ABHD2: variants seen among roughly 807,000 people sequenced by gnomAD.
The protein encoded by ABHD2 is abhydrolase domain containing 2, acylglycerol lipase.
A neutral mutation model predicts 48.1 loss-of-function variants in ABHD2; 20 were observed. The observed-to-expected ratio is 0.42, with a 90% CI of 0.29 to 0.60. ABHD2 has a LOEUF of 0.60. Ranked by LOEUF, ABHD2 falls within the 20% of genes least tolerant of loss-of-function variation. The pLI is 0.24. For synonymous variants in ABHD2, 209 were observed against 214.2 expected, an observed-to-expected ratio of 0.98 and a Z score of 0.21; for missense variants, 405 against 550.9, an observed-to-expected ratio of 0.74 and a Z score of 2.65.
In ABHD2 at chr15:89,198,375, A is replaced by T. The variant is rs1424451380; in HGVS notation, c.*2952A>T. The T allele has an allele frequency of 6.6e-6, 1 of 152,222 alleles. No individual in the cohort carries two copies. Among genetic ancestry groups the T allele is most frequent in the Non-Finnish European group, 1.5e-5 (1 of 68,032 alleles). 9.4% of individuals were successfully genotyped at this position (152,222 alleles called of 1,614,324 possible). A position where few individuals can be genotyped will look rare whatever the true frequency, so the allele number is the denominator to read the frequency against. ...ACTGATTCCAGTCAAATTAGGATTA[A>T]CTGACTCAAAAAATGGTGTCAAGTT... is the stretch of plus-strand genomic sequence containing the variant. On this transcript the variant is annotated 3_prime_UTR_variant, in exon 11 of 11. Transcript: ENST00000352732. This position sits in a 1 kb window ranked among gnomAD's most constrained non-coding sequence, Gnocchi z 5.1.
the ABHD2 span, among the ~76,000 whole-genome samples, chr15:89,075,071 T>G: frequency 6.6e-6 from 1 of 152,304 alleles, no homozygotes; most frequent in African/African-American, 2.4e-5. The surrounding 1 kb of genome is among the most constrained non-coding windows in gnomAD (Gnocchi z 4.1). Flanking sequence ...TCGGTAATTC[T>G]TCTCTTTCAA....
chr15:89,177,549 C>G lies in ABHD2; in HGVS notation c.722+1554C>G, dbSNP rs931151994. On this transcript the variant is annotated intron_variant, in intron 6 of 10. Transcript: ENST00000352732. This position sits in a 1 kb window ranked among gnomAD's most constrained non-coding sequence, Gnocchi z 5.6. ...CATAGGCGAGTTTTCAGTTTAGTTA[C>G]GTTTAGCAGTCCCCGGGGTTAGTGA... Among the ~76,000 whole-genome samples, 2 of 152,140 alleles carry G rather than the reference C, an allele frequency of 1.3e-5. No homozygotes were observed. The highest frequency in any genetic ancestry group is 1.3e-4 in the Admixed American group (2 of 15,270).
intron 9 of ABHD2, among the ~76,000 whole-genome samples, 197 bp from the exon 10 acceptor site, chr15:89,193,038 G>C (rs1041725408): frequency 6.6e-6 from 1 of 152,212 alleles, no homozygotes; most frequent in Non-Finnish European, 1.5e-5. Flanking sequence ...TTTCAGGGCA[G>C]TAATCACAAT....
Position 89,144,566 on chromosome 15 carries a change from T to A in ABHD2, c.195-7111T>A, listed in dbSNP as rs1037067690. On this transcript the variant is annotated intron_variant, in intron 3 of 10. Coordinates refer to ENST00000352732, the MANE Select transcript of ABHD2 (RefSeq NM_152924.5). ...AGCATGGATGACTCTCAAAACATTA[T>A]GCTAAGTGAAAAATCCCAAGACAAA... Among the ~76,000 whole-genome samples, 5 of 152,218 alleles carry A rather than the reference T, an allele frequency of 3.3e-5. No individual in the cohort carries two copies. The East Asian group carries it at 9.6e-4, about 29-fold the overall frequency.
In ABHD2 at chr15:89,186,713, C is replaced by A. The variant is rs77067296; in HGVS notation, c.815+1197C>A. Among the ~76,000 whole-genome samples, 706 of 152,290 alleles carry A rather than the reference C, an allele frequency of 4.6e-3. 5 individuals carry two copies. The highest frequency in any genetic ancestry group is 0.017 in the African/African-American group (686 of 41,550). ...GATTGCTCCCAGCACCCGAGACACACCCGTTCGCTCAAAAAAATTTGGGGG... is the reference window on the plus strand; with the variant it reads ...GATTGCTCCCAGCACCCGAGACACAACCGTTCGCTCAAAAAAATTTGGGGG... On this transcript the variant is annotated intron_variant, in intron 7 of 10. Transcript: ENST00000352732. The surrounding 1 kb of genome is among the most constrained non-coding windows in gnomAD (Gnocchi z 4.3).
At chr15:89,057,740 C>G in the ABHD2 span, among the ~76,000 whole-genome samples, 1 of 151,640 alleles carries the variant, frequency 6.6e-6, no homozygotes, top group Non-Finnish European at 1.5e-5. Flanking sequence ...ATGCGGCTTC[C>G]CAGTGAAACC....
upstream of ABHD2, chr15:89,087,062 G>C (rs563216979): frequency 6.6e-6 from 1 of 152,160 alleles, no homozygotes; most frequent in African/African-American, 2.4e-5. This position sits in a 1 kb window ranked among gnomAD's most constrained non-coding sequence, Gnocchi z 5.5. Context: ...AAAGGGTCTG[G>C]GGCTACATTC....
In ABHD2 at chr15:89,186,228, G is replaced by A. The variant is rs894808660; in HGVS notation, c.815+712G>A. On this transcript the variant is annotated intron_variant, in intron 7 of 10. Coordinates refer to ENST00000352732, the MANE Select transcript of ABHD2 (RefSeq NM_152924.5). This position sits in a 1 kb window ranked among gnomAD's most constrained non-coding sequence, Gnocchi z 4.3. ...GACAGGAGGCTCAGGGCATGGTTTC[G>A]GCGCCTCCCTGCTCGGAGTTTGAGC... 2.6e-5 allele frequency among the ~76,000 whole-genome samples: 4 copies of A among 152,094 alleles called. No individual in the cohort carries two copies. The highest frequency in any genetic ancestry group is 1.9e-4 in the East Asian group (1 of 5,186).
chr15:89,154,106 G>T (rs2050633961), intron 4 of ABHD2, among the ~76,000 whole-genome samples: 1 of 152,148 alleles, frequency 6.6e-6, no homozygotes, highest in Non-Finnish European at 1.5e-5. Flanking sequence ...ATGGAGTCTT[G>T]CTGTGTTGCC....
At chr15:89,193,687 C>T (rs1057209876) in intron 10 of ABHD2, among the ~76,000 whole-genome samples, 3 of 152,204 alleles carry the variant, frequency 2.0e-5, no homozygotes, top group Non-Finnish European at 2.9e-5. Flanking sequence ...TGTTGGCTCA[C>T]ACCTGTAATC....
At chr15:89,064,481 G>A in the ABHD2 span, among the ~76,000 whole-genome samples, 14 of 151,916 alleles carry the variant, frequency 9.2e-5, no homozygotes, top group Non-Finnish European at 1.6e-4. Flanking sequence ...GCCCACCTCG[G>A]CCTCCCAAAG....
chr15:89,172,571 C>T (rs2050947657), intron 5 of ABHD2, among the ~76,000 whole-genome samples: 1 of 152,188 alleles, frequency 6.6e-6, no homozygotes, highest in African/African-American at 2.4e-5. Flanking sequence ...GTGAATAATG[C>T]TGCTATAAAC....
In ABHD2 at chr15:89,146,378, G is replaced by A. The variant is rs1423890560; in HGVS notation, c.195-5299G>A. On this transcript the variant is annotated intron_variant, in intron 3 of 10. Transcript: ENST00000352732. The surrounding 1 kb of genome is among the most constrained non-coding windows in gnomAD (Gnocchi z 4.2). ...TACGTGTGTGTGTGTGTGTGTGTGT[G>A]TGTGTGTGTGTGTGTGTGTGTACGT... 6.6e-6 allele frequency among the ~76,000 whole-genome samples: 1 copy of A among 150,878 alleles called. No individual in the cohort carries two copies. The highest frequency in any genetic ancestry group is 2.4e-5 in the African/African-American group (1 of 40,954).
Position 89,155,387 on chromosome 15 carries a change from T to A in ABHD2, c.391T>A (p.Cys131Ser). Residue 131 changes from cysteine to serine, a missense_variant, in exon 5 of 11, where the codon TGC (cysteine) becomes AGC (serine). Coordinates refer to ENST00000352732, the MANE Select transcript of ABHD2 (RefSeq NM_152924.5). This position sits in a 1 kb window ranked among gnomAD's most constrained non-coding sequence, Gnocchi z 4.9. ...CVGDDITMVI[C>S]PGIANHSEKQ... is the part of the protein sequence containing the mutation. ...TATAGATGATATCACCATGGTCATC[T>A]GCCCTGGAATTGCCAATCACAGCGA... The A allele has an allele frequency of 6.2e-7, 1 of 1,614,186 alleles. No individual in the cohort carries two copies. The highest frequency in any genetic ancestry group is 1.7e-5 in the Admixed American group (1 of 60,022).
intron 6 of ABHD2, among the ~76,000 whole-genome samples, chr15:89,178,509 C>T (rs1412705502): frequency 5.3e-5 from 8 of 152,188 alleles, no homozygotes; most frequent in East Asian, 1.9e-4. Context: ...TCTGGAGACC[C>T]GCTTCCTCAG....
At chr15:89,132,315 A>G (rs2050232853) in intron 3 of ABHD2, among the ~76,000 whole-genome samples, 1 of 152,226 alleles carries the variant, frequency 6.6e-6, no homozygotes, top group Non-Finnish European at 1.5e-5. Context: ...GAATTATGTA[A>G]CATGCCCATA....
intron 1 of ABHD2, among the ~76,000 whole-genome samples, chr15:89,105,715 C>A (rs1460474233): frequency 6.6e-6 from 1 of 152,238 alleles, no homozygotes; most frequent in Non-Finnish European, 1.5e-5. Flanking sequence ...CCACTCCCGC[C>A]CTTTCAGGGC....
At chr15:89,171,947 T>C (rs2050935459) in intron 5 of ABHD2, among the ~76,000 whole-genome samples, 1 of 152,150 alleles carries the variant, frequency 6.6e-6, no homozygotes, top group African/African-American at 2.4e-5. Context: ...CCCAGGTGTT[T>C]GGCTTTGAGG....
rs1338681588 is a variant in ABHD2, at chr15:89,198,343, A to C, written c.*2920A>C. 1 of 152,184 alleles carries C rather than the reference A, an allele frequency of 6.6e-6. No individual in the cohort carries two copies. Among genetic ancestry groups the C allele is most frequent in the Non-Finnish European group, 1.5e-5 (1 of 68,002 alleles). 9.4% of individuals were successfully genotyped at this position (152,184 alleles called of 1,614,324 possible). A position where few individuals can be genotyped will look rare whatever the true frequency, so the allele number is the denominator to read the frequency against. ...TCTCATAAGCAATTTGAAGACACTT[A>C]CAAGTAACTGATTCCAGTCAAATTA... On this transcript the variant is annotated 3_prime_UTR_variant, in exon 11 of 11. Coordinates refer to ENST00000352732, the MANE Select transcript of ABHD2 (RefSeq NM_152924.5). The surrounding 1 kb of genome is among the most constrained non-coding windows in gnomAD (Gnocchi z 5.1).
Sources: allele counts gnomAD v4.1 joint callset (sites outside exome capture counted in the v4.1 genomes callset), GRCh38; gene constraint gnomAD v4.1.1; non-coding constraint Gnocchi (gnomAD v3.1); transcripts MANE v1.5; gene names NCBI Gene and HGNC (gene_info 2026-07-23, HGNC 2026-07-21).